Variants in EPC2 observed in about 807,000 individuals in gnomAD.
EPC2 encodes enhancer of polycomb homolog 2.
Under a neutral mutation model 92.1 loss-of-function variants are expected in EPC2, and 14 were observed. That is an observed-to-expected ratio of 0.15 (90% confidence interval 0.10 to 0.24). The LOEUF (loss-of-function observed/expected upper bound fraction) is 0.24. EPC2 is among the 10% of genes least tolerant of loss of function. The pLI is 1.00. For synonymous variants in EPC2, 340 were observed against 334.7 expected (o/e 1.02, Z -0.17); for missense variants, 755 against 971.5 (o/e 0.78, Z 2.96).
intron 1 of EPC2, among the ~76,000 whole-genome samples, chr2:148,687,601 A>C (rs1368347755): frequency 6.6e-6 from 1 of 152,214 alleles, no homozygotes; most frequent in African/African-American, 2.4e-5. Context: ...TTATTCTGAC[A>C]AAATGCCAAA....
chr2:148,758,471 G>A (rs1390576898), intron 4 of EPC2, among the ~76,000 whole-genome samples: 1 of 151,978 alleles, frequency 6.6e-6, no homozygotes, highest in Non-Finnish European at 1.5e-5. Context: ...TCTCGCCCCA[G>A]TGCAACCTCT....
chr2:148,757,653 C>A (rs1683218561), intron 4 of EPC2, among the ~76,000 whole-genome samples: 1 of 151,974 alleles, frequency 6.6e-6, no homozygotes, highest in South Asian at 2.1e-4. Context: ...GCCTGACCAA[C>A]GTGGAGAAAC....
At chr2:148,658,721 T>C (rs1437010457) in intron 1 of EPC2, among the ~76,000 whole-genome samples, 1 of 151,750 alleles carries the variant, frequency 6.6e-6, no homozygotes, top group Non-Finnish European at 1.5e-5. Flanking sequence ...GTGGTTCAAC[T>C]CACAGTTTGA....
intron 2 of EPC2, chr2:148,692,128 T>TTC: frequency 8.8e-6 from 2 of 226,802 alleles, no homozygotes; most frequent in Middle Eastern, 3.7e-3. Flanking sequence ...ATTACCCTCA[T>TTC]TCACCTTCTT....
chr2:148,783,409 C>G (rs1449125085), intron 11 of EPC2, among the ~76,000 whole-genome samples, 188 bp from the exon 12 acceptor site: 1 of 152,158 alleles, frequency 6.6e-6, no homozygotes, highest in African/African-American at 2.4e-5. Context: ...GAAATAACTT[C>G]TCAGTTTTTG....
Position 148,644,753 on chromosome 2 carries a change from T to G in EPC2, c.-265T>G. The G allele has an allele frequency of 2.8e-6, 1 of 360,478 alleles. No individual in the cohort carries two copies. The highest frequency in any genetic ancestry group is 5.1e-6 in the Non-Finnish European group (1 of 197,366). 22.3% of individuals were successfully genotyped at this position (360,478 alleles called of 1,614,324 possible). A position where few individuals can be genotyped will look rare whatever the true frequency, so the allele number is the denominator to read the frequency against. ...CCGGGATCGCTCGCCGCCGCTGTGG[T>G]AATGTCCGCCATGTTGGCCATGGCG... On this transcript the variant is annotated 5_prime_UTR_variant, in exon 1 of 14. Transcript: ENST00000258484.
chr2:148,692,045 G>C (rs1404376474), intron 2 of EPC2: 1 of 322,912 alleles, frequency 3.1e-6, no homozygotes, highest in East Asian at 8.2e-5. Context: ...TTTGTAATTT[G>C]TTCCCGCTTT....
chr2:148,688,311 C>CA (rs1574583091), intron 1 of EPC2, among the ~76,000 whole-genome samples: 1 of 151,144 alleles, frequency 6.6e-6, no homozygotes, highest in Non-Finnish European at 1.5e-5. Flanking sequence ...ATTGCAAGGG[C>CA]AAAAAATCAA....
intron 3 of EPC2, among the ~76,000 whole-genome samples, chr2:148,748,813 C>CA (rs921549825): frequency 4.6e-5 from 7 of 150,606 alleles, no homozygotes; most frequent in African/African-American, 1.5e-4. Context: ...TGTTGGGACT[C>CA]AAAAAAAAAT....
chr2:148,653,417 C>G (rs1043381606), intron 1 of EPC2, among the ~76,000 whole-genome samples: 15 of 152,304 alleles, frequency 9.8e-5, no homozygotes, highest in African/African-American at 3.4e-4. Context: ...TTGATTTTAA[C>G]TTAAAGTTGA....
rs143826687 is a variant in EPC2, at chr2:148,782,232, A to G, written c.1857+452A>G. On this transcript the variant is annotated intron_variant, in intron 11 of 13. Coordinates refer to ENST00000258484, the MANE Select transcript of EPC2 (RefSeq NM_015630.4). ...ATAACCCCTTGCCATTGTGAATCAC[A>G]TTTCCCTGTTGAAGAAAATTGCAAC... Among the ~76,000 whole-genome samples the G allele has an allele frequency of 3.3e-5, 5 of 152,244 alleles. No individual in the cohort carries two copies. In the East Asian group the frequency reaches 7.7e-4, roughly 24 times the overall value.
intron 1 of EPC2, among the ~76,000 whole-genome samples, chr2:148,656,931 A>T (rs182762903): frequency 1.3e-5 from 2 of 152,328 alleles, no homozygotes; most frequent in East Asian, 3.9e-4. Flanking sequence ...AATTGACTAT[A>T]ATGTACTATT....
At chr2:148,651,744 T>G (rs138057476) in intron 1 of EPC2, among the ~76,000 whole-genome samples, 2 of 152,160 alleles carry the variant, frequency 1.3e-5, no homozygotes, top group Admixed American at 1.3e-4. Flanking sequence ...CATTTGAGTG[T>G]GTGTTGTTGA....
chr2:148,720,443 T>C (rs1201972213), intron 2 of EPC2, among the ~76,000 whole-genome samples: 1 of 152,098 alleles, frequency 6.6e-6, no homozygotes, highest in Non-Finnish European at 1.5e-5. Context: ...TGCTCAACTT[T>C]CTGGATTCCA....
At chr2:148,725,133 G>A (rs1037591305) in intron 2 of EPC2, among the ~76,000 whole-genome samples, 2 of 152,042 alleles carry the variant, frequency 1.3e-5, no homozygotes, top group African/African-American at 4.8e-5. Flanking sequence ...AGTTGGCATA[G>A]ATTTATATTA....
intron 2 of EPC2, among the ~76,000 whole-genome samples, chr2:148,730,421 C>A (rs1682593831): frequency 6.6e-6 from 1 of 152,180 alleles, no homozygotes; most frequent in Non-Finnish European, 1.5e-5. Context: ...ACAGTTACCA[C>A]AAGTAAAGTT....
chr2:148,667,866 C>T (rs991198034), intron 1 of EPC2, among the ~76,000 whole-genome samples: 2 of 152,028 alleles, frequency 1.3e-5, no homozygotes, highest in African/African-American at 4.8e-5. Flanking sequence ...TTTTCTGTAT[C>T]TGTAGAGATG....
At chr2:148,712,051 C>G (rs1191861301) in intron 2 of EPC2, among the ~76,000 whole-genome samples, 1 of 152,064 alleles carries the variant, frequency 6.6e-6, no homozygotes, top group Non-Finnish European at 1.5e-5. Context: ...TGTATTTAGA[C>G]CATTGATATT....
intron 10 of EPC2, among the ~76,000 whole-genome samples, chr2:148,772,050 C>T (rs1683533597): frequency 6.6e-6 from 1 of 152,134 alleles, no homozygotes; most frequent in South Asian, 2.1e-4. Context: ...CCACCTGCCT[C>T]AGCCTCCCAA....
Sources: gnomAD v4.1 joint callset for allele counts (sites outside exome capture counted in the v4.1 genomes callset) on GRCh38, gnomAD v4.1.1 for gene constraint, MANE v1.5 for transcripts, NCBI Gene and HGNC (gene_info 2026-07-23, HGNC 2026-07-21) for gene names.